PRPF18: variants seen among roughly 807,000 people sequenced by gnomAD.
The protein encoded by PRPF18 is pre-mRNA processing factor 18, also known as pre-mRNA-splicing factor 18.
Under a neutral mutation model 46.5 loss-of-function variants are expected in PRPF18, and 38 were observed. The observed-to-expected ratio is 0.82, with a 90% CI of 0.63 to 1.07. The LOEUF is 1.07. Ranked by LOEUF, PRPF18 falls within the 50% of genes least tolerant of loss-of-function variation. The probability of loss-of-function intolerance (pLI) is 0.00; values close to 1 mark genes in which losing one functional copy is unlikely to be tolerated. For missense variants in PRPF18, 263 were observed against 410.0 expected, an observed-to-expected ratio of 0.64 and a Z score of 3.10; for synonymous variants, 152 against 146.7, an observed-to-expected ratio of 1.04 and a Z score of -0.26.
intron 5 of PRPF18, 129 bp downstream of exon 5, chr10:13,610,314 C>T (rs191264466): frequency 1.7e-4 from 181 of 1,050,106 alleles, no homozygotes; most frequent in Admixed American, 3.4e-4. Flanking sequence ...ATTTACTCCT[C>T]GCTTTTATTT....
At chr10:13,592,427 A>G (rs1187977202) in intron 1 of PRPF18, 3 of 211,658 alleles carry the variant, frequency 1.4e-5, no homozygotes, top group Non-Finnish European at 2.8e-5. Context: ...GCTGGAAAAC[A>G]GTTGTCTGTG....
chr10:13,643,275 G>T, the PRPF18 span: 2 of 152,290 alleles, frequency 1.3e-5, no homozygotes, highest in Non-Finnish European at 2.9e-5. Flanking sequence ...GACTAAAGAC[G>T]ATCCCTCAAA....
the PRPF18 span, chr10:13,652,759 A>T: frequency 6.6e-6 from 1 of 152,278 alleles, no homozygotes; most frequent in Non-Finnish European, 1.5e-5. Flanking sequence ...TCAAAACTTG[A>T]GTGTGGGTCA....
chr10:13,623,351 A>G (rs1040487956), intron 9 of PRPF18, among the ~76,000 whole-genome samples: 2 of 152,216 alleles, frequency 1.3e-5, no homozygotes, highest in Admixed American at 6.6e-5. Flanking sequence ...GAGCATTCCT[A>G]TAGTATGAAG....
chr10:13,595,441 C>G (rs1207054352), intron 1 of PRPF18, among the ~76,000 whole-genome samples: 1 of 152,110 alleles, frequency 6.6e-6, no homozygotes, highest in Non-Finnish European at 1.5e-5. Flanking sequence ...TGTGTGTTTG[C>G]CAACTTATTT....
chr10:13,632,182 A>G (rs369708831), downstream of PRPF18, among the ~76,000 whole-genome samples: 33 of 152,316 alleles, frequency 2.2e-4, no homozygotes, highest in East Asian at 4.8e-3. Flanking sequence ...TCTACTAAAA[A>G]TACAAAAAAT....
At chr10:13,649,131 C>CT in the PRPF18 span, 1 of 150,440 alleles carries the variant, frequency 6.6e-6, no homozygotes, top group Non-Finnish European at 1.5e-5. Context: ...ATGTAGTTGA[C>CT]TCTCTTGTAT....
At chr10:13,597,664 C>T in intron 2 of PRPF18, 129 bp downstream of exon 2, 1 of 1,602,884 alleles carries the variant, frequency 6.2e-7, no homozygotes, top group Non-Finnish European at 8.5e-7. Flanking sequence ...GAGAAGCCAT[C>T]TGGAGAGGTA....
the PRPF18 span, chr10:13,652,166 T>A: frequency 1.7e-6 from 1 of 604,836 alleles, no homozygotes; most frequent in East Asian, 2.8e-5. Context: ...AATACCTAGT[T>A]TGTTAGGAGG....
chr10:13,630,446 G>T lies in PRPF18; in HGVS notation c.*106G>T. On this transcript the variant is annotated 3_prime_UTR_variant, in exon 10 of 10. Coordinates refer to ENST00000378572, the MANE Select transcript of PRPF18 (RefSeq NM_003675.4). ...GGAAAGAAGAAAACTGGAGTTTCCA[G>T]TCTCTGAGTTCTACCTGATGTAACT... The T allele has an allele frequency of 3.5e-6, 3 of 867,802 alleles. No individual in the cohort carries two copies. The highest frequency in any genetic ancestry group is 3.6e-6 in the Non-Finnish European group (2 of 561,572). The allele number at this position is 867,802 out of a possible 1,614,324, so 53.8% of individuals were successfully genotyped here.
intron 3 of PRPF18, among the ~76,000 whole-genome samples, chr10:13,604,162 GCACTAGATGAC>G (rs2080152746): frequency 6.6e-6 from 1 of 152,172 alleles, no homozygotes; most frequent in African/African-American, 2.4e-5. Context: ...ATTGGAGATA[GCACTAGATGAC>G]CTCTTAAATT....
intron 2 of PRPF18, among the ~76,000 whole-genome samples, chr10:13,599,393 A>G (rs1414675917): frequency 6.6e-6 from 1 of 152,026 alleles, no homozygotes; most frequent in Admixed American, 6.5e-5. Flanking sequence ...CTTAATGTTG[A>G]TCTTCTTTTA....
rs962571231 is a variant in PRPF18 at position 13,587,967 on chromosome 10, CTTTG to C, written c.66+823_66+826del. 1.3e-4 allele frequency among the ~76,000 whole-genome samples: 20 copies of C among 152,274 alleles called. 1 individual carries two copies. The highest frequency in any genetic ancestry group is 3.4e-3 in the Middle Eastern group (1 of 294). ...GTGGGAATTGCAGGAAAACCCGAGG[CTTTG>C]TTTGTTTTCCCCCGACTGACCCTGT... On this transcript the variant is annotated intron_variant, in intron 1 of 9. Coordinates refer to ENST00000378572, the MANE Select transcript of PRPF18 (RefSeq NM_003675.4).
chr10:13,608,028 G>C (rs1305863150), intron 4 of PRPF18, among the ~76,000 whole-genome samples: 1 of 152,100 alleles, frequency 6.6e-6, no homozygotes, highest in African/African-American at 2.4e-5. Context: ...GACAGGTGTG[G>C]TTACCTATGA....
intron 5 of PRPF18, 75 bp downstream of exon 5, chr10:13,610,260 G>C (rs1022761157): frequency 2.0e-6 from 3 of 1,490,162 alleles, no homozygotes; most frequent in East Asian, 2.3e-5. Context: ...GAGTCGGGCA[G>C]ATTGTTGAGG....
chr10:13,602,979 G>A (rs567727102), intron 3 of PRPF18, among the ~76,000 whole-genome samples: 1 of 152,206 alleles, frequency 6.6e-6, no homozygotes, highest in Non-Finnish European at 1.5e-5. Flanking sequence ...TGATCTGCTC[G>A]CCTCGACCTC....
At chr10:13,642,858 C>G in the PRPF18 span, 2 of 152,200 alleles carry the variant, frequency 1.3e-5, no homozygotes, top group African/African-American at 4.8e-5. Flanking sequence ...GGCTCACTTC[C>G]AGATGTGATT....
the PRPF18 span, chr10:13,652,359 G>T: frequency 4.5e-6 from 1 of 223,272 alleles, no homozygotes; most frequent in Admixed American, 5.3e-5. Context: ...TGTACATTTC[G>T]GAGCCTGTTG....
chr10:13,617,318 C>T (rs1433942134), intron 9 of PRPF18, among the ~76,000 whole-genome samples: 1 of 152,166 alleles, frequency 6.6e-6, no homozygotes. Flanking sequence ...CAGTCATTAC[C>T]ATATTCATGA....
Sources: allele counts gnomAD v4.1 joint callset (sites outside exome capture counted in the v4.1 genomes callset), GRCh38; gene constraint gnomAD v4.1.1; transcripts MANE v1.5; gene names NCBI Gene and HGNC (gene_info 2026-07-23, HGNC 2026-07-21).